The following CTNNA3 variants were observed in gnomAD, a reference collection of about 807,000 sequenced individuals.
The protein encoded by CTNNA3 is catenin alpha-3.
A neutral mutation model predicts 95.7 loss-of-function variants in CTNNA3; 76 were observed. The observed-to-expected ratio is 0.79, with a 90% confidence interval of 0.66 to 0.96. CTNNA3 has a LOEUF of 0.96. Ranked by LOEUF, CTNNA3 falls within the 40% of genes least tolerant of loss-of-function variation. The pLI, the probability that CTNNA3 is intolerant of heterozygous loss-of-function variation, is 0.00. For synonymous variants in CTNNA3, 431 were observed against 374.4 expected (o/e 1.15, Z -1.74); for missense variants, 1,191 against 1,089.8 (o/e 1.09, Z -1.31).
intron 7 of CTNNA3, among the ~76,000 whole-genome samples, chr10:66,888,617 A>G (rs1845140913): frequency 1.3e-5 from 2 of 152,122 alleles, no homozygotes; most frequent in Admixed American, 1.3e-4. Context: ...CTAAAAGATT[A>G]CTGTGGAAAA....
At chr10:67,000,537 A>G (rs1373839168) in intron 7 of CTNNA3, among the ~76,000 whole-genome samples, 3 of 152,180 alleles carry the variant, frequency 2.0e-5, no homozygotes, top group African/African-American at 4.8e-5. Context: ...AAATTACAAC[A>G]AGCTAAAAAT....
At chr10:66,685,317 G>GTGTATATATA (rs1290588754) in intron 9 of CTNNA3, among the ~76,000 whole-genome samples, 1 of 44,498 alleles carries the variant, frequency 2.2e-5, no homozygotes, top group African/African-American at 1.1e-4. Flanking sequence ...ATGTGTGTGT[G>GTGTATATATA]TATGTGTGTA....
intron 9 of CTNNA3, among the ~76,000 whole-genome samples, chr10:66,719,008 C>T (rs1431260821): frequency 3.3e-5 from 5 of 152,142 alleles, no homozygotes; most frequent in Non-Finnish European, 5.9e-5. Context: ...CCATGATCTG[C>T]GCTATCCGTT....
In CTNNA3 at chr10:67,556,920, C is replaced by T. The variant is rs189575612; in HGVS notation, c.293-17251G>A. Reference sequence around the variant, plus strand: ...GCTATAAATTTCCCCCTACACACTGCTTTAAATGTGTCCCAGAGATTCTGG... The same window carrying T: ...GCTATAAATTTCCCCCTACACACTGTTTTAAATGTGTCCCAGAGATTCTGG... On this transcript the variant is annotated intron_variant, in intron 3 of 17. Transcript: ENST00000433211. Among the ~76,000 whole-genome samples the T allele has an allele frequency of 2.2e-3, 340 of 152,304 alleles. 4 individuals carry two copies. The East Asian group carries it at 0.034, about 15-fold the overall frequency.
At chr10:67,583,134 G>C (rs1482896460) in intron 3 of CTNNA3, among the ~76,000 whole-genome samples, 1 of 152,042 alleles carries the variant, frequency 6.6e-6, no homozygotes, top group East Asian at 1.9e-4. Context: ...CTCATTAGTT[G>C]ATGCAGTTTC....
intron 13 of CTNNA3, among the ~76,000 whole-genome samples, chr10:66,202,384 G>C (rs2087483734): frequency 6.6e-6 from 1 of 152,134 alleles, no homozygotes; most frequent in East Asian, 1.9e-4. Context: ...GTTCAAATAA[G>C]GCAAATGCCA....
At chr10:67,248,706 G>T (rs189756564) in intron 5 of CTNNA3, among the ~76,000 whole-genome samples, 6 of 152,164 alleles carry the variant, frequency 3.9e-5, no homozygotes. Context: ...GGAATTACAG[G>T]CATGAGCCAC....
In CTNNA3 at chr10:66,927,253, G is replaced by T. The variant is rs779168222; in HGVS notation, c.1048-151729C>A. 1 of 1,614,062 alleles carries T rather than the reference G, an allele frequency of 6.2e-7. No individual in the cohort carries two copies. The highest frequency in any genetic ancestry group is 1.1e-5 in the South Asian group (1 of 91,086). On this transcript the variant is annotated intron_variant, in intron 7 of 17. Coordinates refer to ENST00000433211, the MANE Select transcript of CTNNA3 (RefSeq NM_013266.4). The surrounding 1 kb of genome is among the most constrained non-coding windows in gnomAD (Gnocchi z 4.7). ...TTTTAATGGAATACGCAGACTCAAAGAGCTGATTCTTAGTTCCAATAGAAT... is the reference window on the plus strand; with the variant it reads ...TTTTAATGGAATACGCAGACTCAAATAGCTGATTCTTAGTTCCAATAGAAT...
chr10:66,935,546 T>C (rs1847648285), intron 7 of CTNNA3, among the ~76,000 whole-genome samples: 1 of 152,060 alleles, frequency 6.6e-6, no homozygotes, highest in Admixed American at 6.6e-5. Context: ...AAATGGAATA[T>C]TTAAAGATCT....
intron 13 of CTNNA3, among the ~76,000 whole-genome samples, chr10:66,120,206 T>G (rs1216179193): frequency 6.6e-6 from 1 of 152,166 alleles, no homozygotes; most frequent in African/African-American, 2.4e-5. Flanking sequence ...AAACCATGGA[T>G]AAGAAGTTGT....
chr10:66,947,882 G>T (rs1848352480), intron 7 of CTNNA3, among the ~76,000 whole-genome samples: 1 of 152,164 alleles, frequency 6.6e-6, no homozygotes, highest in East Asian at 1.9e-4. Context: ...AGGCAATTTT[G>T]TCATTGTGCG....
rs548286258 is a variant in CTNNA3 at position 67,068,603 on chromosome 10, T to C, written c.1047+111714A>G. 4.6e-5 allele frequency among the ~76,000 whole-genome samples: 7 copies of C among 152,048 alleles called. No individual in the cohort carries two copies. In the South Asian group the frequency reaches 8.3e-4, roughly 18 times the overall value. On this transcript the variant is annotated intron_variant, in intron 7 of 17. Coordinates refer to ENST00000433211, the MANE Select transcript of CTNNA3 (RefSeq NM_013266.4). ...GACAGTTCTTATATTTTAGTAATTA[T>C]CAGAGAAAAAAAGACAAGAAGAAAA...
intron 7 of CTNNA3, among the ~76,000 whole-genome samples, chr10:66,971,795 C>A (rs971119756): frequency 2.0e-5 from 3 of 152,050 alleles, no homozygotes; most frequent in African/African-American, 7.3e-5. Flanking sequence ...TTACAAGAGA[C>A]CCTGTCATCT....
At chr10:67,067,097 AT>A (rs1856137106) in intron 7 of CTNNA3, among the ~76,000 whole-genome samples, 1 of 152,150 alleles carries the variant, frequency 6.6e-6, no homozygotes, top group Non-Finnish European at 1.5e-5. Context: ...ATCTGGATAT[AT>A]TTTTCCCAGA....
chr10:66,048,694 G>T (rs1313503142), intron 15 of CTNNA3, among the ~76,000 whole-genome samples: 2 of 152,162 alleles, frequency 1.3e-5, no homozygotes, highest in African/African-American at 2.4e-5. Context: ...CTGGGAGGCA[G>T]AGCTTGCAGT....
intron 13 of CTNNA3, among the ~76,000 whole-genome samples, chr10:66,125,656 A>G (rs567281785): frequency 2.6e-5 from 4 of 152,220 alleles, no homozygotes; most frequent in Non-Finnish European, 4.4e-5. Flanking sequence ...AGAATGGAGT[A>G]TTCTTCATAA....
At chr10:66,467,688 A>G (rs150347058) in intron 11 of CTNNA3, among the ~76,000 whole-genome samples, 3 of 152,218 alleles carry the variant, frequency 2.0e-5, no homozygotes, top group African/African-American at 7.2e-5. Context: ...AGCTATTAAG[A>G]TGAAGCCAAC....
intron 13 of CTNNA3, among the ~76,000 whole-genome samples, chr10:66,133,538 C>CAA (rs532152967): frequency 1.4e-5 from 2 of 142,658 alleles, no homozygotes; most frequent in African/African-American, 5.2e-5. Context: ...AAACAAAAAA[C>CAA]AAAAAAAACA....
At chr10:67,032,141 A>T (rs1418259690) in intron 7 of CTNNA3, among the ~76,000 whole-genome samples, 1 of 152,146 alleles carries the variant, frequency 6.6e-6, no homozygotes, top group Non-Finnish European at 1.5e-5. Flanking sequence ...TATATGTGAG[A>T]ACCTGAGGCC....
Sources: gnomAD v4.1 joint callset for allele counts (sites outside exome capture counted in the v4.1 genomes callset) on GRCh38, gnomAD v4.1.1 for gene constraint, Gnocchi (gnomAD v3.1) non-coding constraint, MANE v1.5 for transcripts, NCBI Gene and HGNC (gene_info 2026-07-23, HGNC 2026-07-21) for gene names.